The following WWOX variants were observed in gnomAD, a reference collection of about 807,000 sequenced individuals.
WWOX encodes WW domain-containing oxidoreductase.
In WWOX, 69 loss-of-function variants were observed where a neutral mutation model predicts 46.2. That is an observed-to-expected ratio of 1.49 (90% CI 1.23 to 1.82). The LOEUF is 1.82. Among genes scored for constraint, WWOX ranks in the 40% most tolerant of loss-of-function variants. The pLI, the probability that WWOX is intolerant of heterozygous loss-of-function variation, is 0.00. For missense variants in WWOX, 919 were observed against 542.6 expected (o/e 1.69, Z -6.89); for synonymous variants, 359 against 202.6 (o/e 1.77, Z -6.56).
chr16:78,725,074 A>G (rs1248429190), intron 8 of WWOX, among the ~76,000 whole-genome samples: 2 of 152,052 alleles, frequency 1.3e-5, no homozygotes, highest in African/African-American at 4.8e-5. Context: ...GTGGGAGAAT[A>G]TTGAATCATG....
At chr16:79,172,388 A>G (rs576538357) in intron 8 of WWOX, among the ~76,000 whole-genome samples, 3 of 152,242 alleles carry the variant, frequency 2.0e-5, no homozygotes, top group African/African-American at 7.2e-5. Flanking sequence ...TTAAACCTGT[A>G]TCTGAGTCAC....
chr16:78,676,462 A>C (rs2047602750), intron 8 of WWOX, among the ~76,000 whole-genome samples: 1 of 151,022 alleles, frequency 6.6e-6, no homozygotes, highest in Non-Finnish European at 1.5e-5. Flanking sequence ...TCACTTACCT[A>C]AAAAGCTCCC....
intron 6 of WWOX, among the ~76,000 whole-genome samples, chr16:78,411,717 A>C (rs978645292): frequency 2.0e-5 from 3 of 152,204 alleles, no homozygotes; most frequent in African/African-American, 7.2e-5. Flanking sequence ...AAGTGGGAGA[A>C]TGTAGAGGTG....
chr16:78,407,566 CTT>C (rs1268973334), intron 6 of WWOX, among the ~76,000 whole-genome samples: 3 of 152,174 alleles, frequency 2.0e-5, no homozygotes, highest in African/African-American at 7.2e-5. Flanking sequence ...CTCCTAGACT[CTT>C]TAAAGCACCT....
At position 78,538,201 on chromosome 16, in the gene WWOX, T is replaced by A. The variant is rs112159527; in HGVS notation, c.1056+105449T>A. ...AAGAAGATAGATTGTAATCTTTAAT[T>A]AAGCTATCACTCACACCAAAAAAAA... On this transcript the variant is annotated intron_variant, in intron 8 of 8. Coordinates refer to ENST00000566780, the MANE Select transcript of WWOX (RefSeq NM_016373.4). Among the ~76,000 whole-genome samples, 55 of 113,164 alleles carry A rather than the reference T, an allele frequency of 4.9e-4. 1 individual carries two copies. Among genetic ancestry groups the A allele is most frequent in the African/African-American group, 1.8e-3 (51 of 28,710 alleles). The allele number at this position is 113,164 out of a possible 152,430, so 74.2% of individuals were successfully genotyped here. A position where few individuals can be genotyped will look rare whatever the true frequency, so the allele number is the denominator to read the frequency against.
At chr16:79,186,610 C>A (rs952641641) in intron 8 of WWOX, among the ~76,000 whole-genome samples, 1 of 152,208 alleles carries the variant, frequency 6.6e-6, no homozygotes, top group Non-Finnish European at 1.5e-5. Flanking sequence ...ACGTCACATT[C>A]TGAGGCAATG....
intron 8 of WWOX, among the ~76,000 whole-genome samples, chr16:78,565,991 T>C (rs2044555228): frequency 6.7e-6 from 1 of 149,042 alleles, no homozygotes; most frequent in Admixed American, 6.8e-5. Context: ...TACCATAGAC[T>C]GGGCAGGTTA....
chr16:78,220,783 A>T (rs979052407), intron 5 of WWOX, among the ~76,000 whole-genome samples: 1 of 152,198 alleles, frequency 6.6e-6, no homozygotes, highest in Non-Finnish European at 1.5e-5. Flanking sequence ...ATGAGTAAGT[A>T]CCACCATAGT....
intron 8 of WWOX, among the ~76,000 whole-genome samples, chr16:78,547,141 A>C (rs544337718): frequency 0.039 from 1,767 of 45,544 alleles, 98 homozygotes; most frequent in Middle Eastern, 0.21. Flanking sequence ...AAAAAAAAAA[A>C]AAAAAAAAAA....
chr16:78,422,710 T>TACAC (rs1245741444), intron 6 of WWOX, among the ~76,000 whole-genome samples: 1 of 83,904 alleles, frequency 1.2e-5, no homozygotes, highest in Non-Finnish European at 2.6e-5. Context: ...CATATATATA[T>TACAC]ACACACACAC....
chr16:78,123,012 C>T (rs1344765110), intron 4 of WWOX, among the ~76,000 whole-genome samples: 2 of 152,142 alleles, frequency 1.3e-5, no homozygotes, highest in African/African-American at 4.8e-5. Context: ...ACAAAAGAGG[C>T]AGCATTGCAA....
intron 4 of WWOX, among the ~76,000 whole-genome samples, chr16:78,138,783 A>G (rs1313428630): frequency 6.6e-6 from 1 of 152,226 alleles, no homozygotes; most frequent in Non-Finnish European, 1.5e-5. Context: ...GGAGAGTCCC[A>G]GCGAAGTGCT....
At chr16:78,874,341 A>C (rs2044190753) in intron 8 of WWOX, among the ~76,000 whole-genome samples, 1 of 152,044 alleles carries the variant, frequency 6.6e-6, no homozygotes, top group Non-Finnish European at 1.5e-5. Flanking sequence ...CATCCTGAAC[A>C]GACATGATCT....
At chr16:79,109,068 A>C (rs1489211520) in intron 8 of WWOX, among the ~76,000 whole-genome samples, 1 of 151,988 alleles carries the variant, frequency 6.6e-6, no homozygotes, top group Non-Finnish European at 1.5e-5. Context: ...TGTGTCCGTG[A>C]GCATGTGTGT....
intron 5 of WWOX, among the ~76,000 whole-genome samples, chr16:78,328,082 C>G (rs1381073413): frequency 6.6e-6 from 1 of 151,930 alleles, no homozygotes; most frequent in Non-Finnish European, 1.5e-5. Context: ...CCATGTTGGC[C>G]AGGCTGGTCT....
chr16:78,483,857 A>C (rs932704134), intron 8 of WWOX, among the ~76,000 whole-genome samples: 6 of 152,210 alleles, frequency 3.9e-5, no homozygotes, highest in Non-Finnish European at 8.8e-5. Flanking sequence ...ATCATGATGC[A>C]AGCATTGACT....
chr16:78,963,479 C>G (rs1372380839), intron 8 of WWOX, among the ~76,000 whole-genome samples: 3 of 152,094 alleles, frequency 2.0e-5, no homozygotes, highest in East Asian at 3.9e-4. Flanking sequence ...GAAACAAAAA[C>G]AAATAAACAA....
At chr16:79,178,843 T>A (rs983780347) in intron 8 of WWOX, among the ~76,000 whole-genome samples, 1 of 152,238 alleles carries the variant, frequency 6.6e-6, no homozygotes, top group African/African-American at 2.4e-5. Flanking sequence ...ACAATTTTTT[T>A]TGTTTAATAT....
chr16:78,754,201 C>T (rs965234312), intron 8 of WWOX, among the ~76,000 whole-genome samples: 1 of 152,064 alleles, frequency 6.6e-6, no homozygotes, highest in South Asian at 2.1e-4. Flanking sequence ...TCTGTCTTCA[C>T]TCGGTGAGGA....
Sources: gnomAD v4.1 joint callset for allele counts (sites outside exome capture counted in the v4.1 genomes callset) on GRCh38, gnomAD v4.1.1 for gene constraint, MANE v1.5 for transcripts, NCBI Gene and HGNC (gene_info 2026-07-23, HGNC 2026-07-21) for gene names.